GLMN: variants seen among roughly 807,000 people sequenced by gnomAD.
The protein encoded by GLMN is glomulin.
GLMN carries 75 observed loss-of-function variants against 87.8 expected under a neutral mutation model. The ratio of observed to expected loss-of-function variants is 0.85; its 90% CI spans 0.71 to 1.04. The LOEUF (loss-of-function observed/expected upper bound fraction) is 1.04, where lower values mean the gene tolerates loss of function less well. Ranked by LOEUF, GLMN falls within the 50% of genes least tolerant of loss-of-function variation. GLMN has a pLI of 0.00. For synonymous variants in GLMN, 206 were observed against 221.6 expected, an observed-to-expected ratio of 0.93 and a Z score of 0.63; for missense variants, 588 against 658.8, an observed-to-expected ratio of 0.89 and a Z score of 1.18.
chr1:92,295,362 G>A (rs1649921614), intron 3 of GLMN, among the ~76,000 whole-genome samples: 1 of 150,262 alleles, frequency 6.7e-6, no homozygotes, highest in Admixed American at 6.6e-5. Flanking sequence ...CAATCTTTAG[G>A]TAATTAAAGT....
the GLMN span, among the ~76,000 whole-genome samples, chr1:92,345,379 TAAAAAAAA>T: frequency 1.4e-5 from 1 of 73,770 alleles, no homozygotes; most frequent in Non-Finnish European, 2.6e-5. Flanking sequence ...CCCGTTTCTT[TAAAAAAAA>T]AAAAAAAAAA....
the GLMN span, among the ~76,000 whole-genome samples, chr1:92,329,573 T>C: frequency 6.6e-6 from 1 of 152,182 alleles, no homozygotes; most frequent in Non-Finnish European, 1.5e-5. Flanking sequence ...TTTTCTGGTA[T>C]GTTTCTGCGG....
At chr1:92,332,462 T>C in the GLMN span, among the ~76,000 whole-genome samples, 2 of 152,174 alleles carry the variant, frequency 1.3e-5, no homozygotes, top group African/African-American at 4.8e-5. Flanking sequence ...TTCAGATTTT[T>C]ATCATATTGT....
chr1:92,305,138 A>G, the GLMN span, among the ~76,000 whole-genome samples: 1 of 151,670 alleles, frequency 6.6e-6, no homozygotes, highest in Admixed American at 6.6e-5. Flanking sequence ...CTGTCTTCAA[A>G]AAAAAGACAA....
the GLMN span, among the ~76,000 whole-genome samples, chr1:92,334,581 C>T: frequency 6.6e-6 from 1 of 152,122 alleles, no homozygotes; most frequent in Non-Finnish European, 1.5e-5. Context: ...GGTGTGGTGG[C>T]TCATGCCTGT....
At chr1:92,319,081 C>T in the GLMN span, among the ~76,000 whole-genome samples, 1 of 152,026 alleles carries the variant, frequency 6.6e-6, no homozygotes, top group East Asian at 1.9e-4. Flanking sequence ...AGAGTAAATA[C>T]CCCAGAGTGG....
intron 16 of GLMN, among the ~76,000 whole-genome samples, chr1:92,258,883 G>GAACTTAAAAGTATTGAAAAAAAACCAA (rs1654625575): frequency 6.6e-6 from 1 of 151,782 alleles, no homozygotes; most frequent in Non-Finnish European, 1.5e-5. Flanking sequence ...ATGTATCCCA[G>GAACTTAAAAGTATTGAAAAAAAACCAA]AACTTAAAAG....
intron 16 of GLMN, among the ~76,000 whole-genome samples, chr1:92,257,430 G>C (rs986370243): frequency 5.3e-5 from 8 of 151,966 alleles, no homozygotes; most frequent in Non-Finnish European, 8.8e-5. Flanking sequence ...AAAGTGTCCG[G>C]ATAGCCAGGA....
the GLMN span, among the ~76,000 whole-genome samples, chr1:92,361,730 G>A: frequency 1.3e-5 from 2 of 152,144 alleles, no homozygotes; most frequent in Non-Finnish European, 2.9e-5. Flanking sequence ...AGATGTAAAT[G>A]TGAGATTATC....
intron 16 of GLMN, among the ~76,000 whole-genome samples, chr1:92,252,735 C>A (rs1240680558): frequency 2.0e-5 from 3 of 151,700 alleles, no homozygotes; most frequent in Admixed American, 1.3e-4. Flanking sequence ...CAAAGAAAAT[C>A]ACATTTTAAG....
chr1:92,352,328 C>T, the GLMN span, among the ~76,000 whole-genome samples: 2 of 152,220 alleles, frequency 1.3e-5, no homozygotes, highest in African/African-American at 4.8e-5. Flanking sequence ...AAAGCCATCA[C>T]TGGACATAGG....
upstream of GLMN, among the ~76,000 whole-genome samples, chr1:92,300,760 A>G (rs1650784061): frequency 6.6e-6 from 1 of 152,190 alleles, no homozygotes; most frequent in African/African-American, 2.4e-5. Context: ...CTAATCTTAT[A>G]TTGGCTTTGG....
the GLMN span, among the ~76,000 whole-genome samples, chr1:92,345,394 AAAAAAAAGAGAG>A: frequency 1.3e-5 from 2 of 148,712 alleles, no homozygotes; most frequent in African/African-American, 4.9e-5. Flanking sequence ...AAAAAAAAAA[AAAAAAAAGAGAG>A]AGAGAGAAGA....
chr1:92,348,159 G>A, the GLMN span, among the ~76,000 whole-genome samples: 1 of 152,154 alleles, frequency 6.6e-6, no homozygotes, highest in Non-Finnish European at 1.5e-5. Context: ...AAAGTGCTGT[G>A]ATTACAGGCA....
At chr1:92,281,395 A>G (rs1224962580) in intron 7 of GLMN, among the ~76,000 whole-genome samples, 1 of 152,206 alleles carries the variant, frequency 6.6e-6, no homozygotes, top group African/African-American at 2.4e-5. Flanking sequence ...GAGAAATAAA[A>G]TCCTTTACAG....
chr1:92,304,430 T>G, the GLMN span: 5 of 701,970 alleles, frequency 7.1e-6, no homozygotes, highest in African/African-American at 5.6e-5. Flanking sequence ...GCAATTAATT[T>G]TTAATGATAT....
intron 16 of GLMN, 55 bp from the exon 17 acceptor site, chr1:92,248,044 A>G (rs1459882659): frequency 2.5e-6 from 2 of 792,168 alleles, no homozygotes; most frequent in Non-Finnish European, 4.5e-6. Flanking sequence ...ATTGCCTACT[A>G]TTAAACGCGA....
upstream of GLMN, among the ~76,000 whole-genome samples, chr1:92,302,696 T>C (rs543763576): frequency 7.3e-6 from 1 of 136,586 alleles, no homozygotes; most frequent in East Asian, 2.6e-4. Flanking sequence ...CCGCCTCCCG[T>C]GTTCACGCCA....
chr1:92,323,388 T>G, the GLMN span: 1 of 1,272,068 alleles, frequency 7.9e-7, no homozygotes, highest in Non-Finnish European at 1.1e-6. Context: ...TTCTATTGTT[T>G]TCGGGTTTTA....
Sources: gnomAD v4.1 joint callset for allele counts (sites outside exome capture counted in the v4.1 genomes callset) on GRCh38, gnomAD v4.1.1 for gene constraint, MANE v1.5 for transcripts, NCBI Gene and HGNC (gene_info 2026-07-23, HGNC 2026-07-21) for gene names.